The following MEF2A variants were observed in gnomAD, a reference collection of about 807,000 sequenced individuals.
MEF2A encodes myocyte-specific enhancer factor 2A.
MEF2A carries 28 observed loss-of-function variants against 55.8 expected under a neutral mutation model. The ratio of observed to expected loss-of-function variants is 0.50; its 90% CI spans 0.37 to 0.69. The LOEUF is 0.69. Ranked by LOEUF, MEF2A falls within the 30% of genes least tolerant of loss-of-function variation. MEF2A has a pLI of 0.00. For synonymous variants in MEF2A, 239 were observed against 227.1 expected (o/e 1.05, Z -0.47); for missense variants, 528 against 626.2 (o/e 0.84, Z 1.67).
chr15:99,570,104 AATC>A (rs1961509883), intron 1 of MEF2A, among the ~76,000 whole-genome samples: 1 of 152,088 alleles, frequency 6.6e-6, no homozygotes, highest in South Asian at 2.1e-4. Context: ...GTCGAGATGA[AATC>A]ATAAGCATAT....
rs551927048 is a variant in MEF2A at position 99,642,312 on chromosome 15, A to G, written c.55-3249A>G. Among the ~76,000 whole-genome samples, 5 of 152,284 alleles carry G rather than the reference A, an allele frequency of 3.3e-5. No individual in the cohort carries two copies. The South Asian group carries it at 1.0e-3, about 32-fold the overall frequency. ...TGACATTCAGTAACTTAATCTGAATATGCCATGAATTTGATTATTCCTTAT... is the reference window on the plus strand; with the variant it reads ...TGACATTCAGTAACTTAATCTGAATGTGCCATGAATTTGATTATTCCTTAT... On this transcript the variant is annotated intron_variant, in intron 3 of 11. Transcript: ENST00000557942.
At chr15:99,575,515 C>T (rs757146872) in intron 1 of MEF2A, among the ~76,000 whole-genome samples, 3 of 152,142 alleles carry the variant, frequency 2.0e-5, no homozygotes, top group Non-Finnish European at 4.4e-5. Flanking sequence ...TGAGGCAGTA[C>T]GGTGTCATTT....
chr15:99,684,082 T>G (rs188282034), intron 7 of MEF2A, among the ~76,000 whole-genome samples: 191 of 152,304 alleles, frequency 1.3e-3, no homozygotes, highest in Non-Finnish European at 1.4e-3. Flanking sequence ...TGTACATATA[T>G]GTATATATAT....
Position 99,710,727 on chromosome 15 carries a change from A to G in MEF2A, c.1103A>G (p.His368Arg), listed in dbSNP as rs2058549972. The change falls in exon 11 of 12, where the codon CAC (histidine) becomes CGC (arginine). Residue 368 changes from histidine (H) to arginine (R), a missense_variant. By Grantham distance (29) the His-to-Arg change is conservative. Coordinates refer to ENST00000557942, the MANE Select transcript of MEF2A (RefSeq NM_001319206.4). Reference protein sequence around the residue: ...SLGQVSAWQQHHLGQAALSSL... With the variant: ...SLGQVSAWQQRHLGQAALSSL... ...GGACAGGTGTCGGCCTGGCAGCAGC[A>G]CCACCTAGGACAAGCAGCCCTCAGC... 1 of 1,611,988 alleles carries G rather than the reference A, an allele frequency of 6.2e-7. No homozygotes were observed. Among genetic ancestry groups the G allele is most frequent in the African/African-American group, 1.3e-5 (1 of 74,904 alleles).
intron 2 of MEF2A, among the ~76,000 whole-genome samples, chr15:99,608,349 G>A (rs1975878505): frequency 6.6e-6 from 1 of 152,144 alleles, no homozygotes; most frequent in Non-Finnish European, 1.5e-5. Flanking sequence ...GTAACAGGCT[G>A]TAAACAGTTT....
At chr15:99,698,617 A>AC (rs1361114098) in intron 8 of MEF2A, among the ~76,000 whole-genome samples, 2 of 151,968 alleles carry the variant, frequency 1.3e-5, no homozygotes, top group Non-Finnish European at 2.9e-5. Context: ...ACATGGAGAA[A>AC]CCCCATCTCT....
chr15:99,661,588 G>A (rs1338881303), intron 4 of MEF2A, among the ~76,000 whole-genome samples: 1 of 152,002 alleles, frequency 6.6e-6, no homozygotes, highest in Non-Finnish European at 1.5e-5. Flanking sequence ...TACTTGAATA[G>A]GTGCCTCACA....
chr15:99,712,600 G>A lies in MEF2A; in HGVS notation c.1347G>A (p.Gly449=). The part of the protein sequence containing the change: ...PPQPQPRQEM[G]RSPVDSLSSS... ...AGCCCCAGCCCCGACAGGAAATGGG[G>A]CGCTCCCCTGTGGACAGTCTGAGCA... Residue 449 remains glycine, a synonymous_variant, in exon 12 of 12, where the codon GGG becomes GGA. Transcript: ENST00000557942. This position sits in a 1 kb window ranked among gnomAD's most constrained non-coding sequence, Gnocchi z 4.1. The A allele has an allele frequency of 6.4e-7, 1 of 1,550,936 alleles. No individual in the cohort carries two copies. The highest frequency in any genetic ancestry group is 8.7e-7 in the Non-Finnish European group (1 of 1,146,806).
chr15:99,617,275 T>TG (rs36125809), intron 2 of MEF2A, among the ~76,000 whole-genome samples: 97,570 of 147,332 alleles, frequency 0.66, 36,384 homozygotes, highest in Middle Eastern at 0.86. Flanking sequence ...TTTTTTTTTT[T>TG]GTATGGTCTG....
rs1187967522 is a variant in MEF2A, at chr15:99,712,082, T to G, written c.1137-308T>G. On this transcript the variant is annotated intron_variant, in intron 11 of 11. Transcript: ENST00000557942. This position sits in a 1 kb window ranked among gnomAD's most constrained non-coding sequence, Gnocchi z 4.1. ...CAGATGAGGCTGCTGTTCCTCTGTC[T>G]TTCTGGTCCCTGCACAGCATTAAGA... 2.0e-5 allele frequency among the ~76,000 whole-genome samples: 3 copies of G among 152,384 alleles called. No homozygotes were observed. Among genetic ancestry groups the G allele is most frequent in the African/African-American group, 7.2e-5 (3 of 41,600 alleles).
intron 2 of MEF2A, among the ~76,000 whole-genome samples, chr15:99,607,180 C>T (rs1010479099): frequency 1.3e-5 from 2 of 152,118 alleles, no homozygotes; most frequent in African/African-American, 4.8e-5. Context: ...ACAGCAACAA[C>T]AACCACAAAA....
At chr15:99,662,727 C>G (rs1163508154) in intron 4 of MEF2A, among the ~76,000 whole-genome samples, 1 of 152,238 alleles carries the variant, frequency 6.6e-6, no homozygotes, top group Non-Finnish European at 1.5e-5. Flanking sequence ...ATCTGCCTGT[C>G]TCTGCCTCCC....
chr15:99,682,471 A>G (rs2053418346), intron 7 of MEF2A, among the ~76,000 whole-genome samples: 1 of 152,240 alleles, frequency 6.6e-6, no homozygotes, highest in Non-Finnish European at 1.5e-5. Flanking sequence ...TACTGAAAGT[A>G]TTTACCTCAA....
intron 2 of MEF2A, among the ~76,000 whole-genome samples, chr15:99,600,311 T>C (rs1376277452): frequency 6.6e-6 from 1 of 152,186 alleles, no homozygotes; most frequent in Non-Finnish European, 1.5e-5. Flanking sequence ...ACGGGCCTTC[T>C]ATGGTTCTAT....
In MEF2A at chr15:99,600,213, T is replaced by G. The variant is rs181078908; in HGVS notation, c.-143+1702T>G. 3.8e-3 allele frequency among the ~76,000 whole-genome samples: 571 copies of G among 152,264 alleles called. 5 individuals are homozygous for G. Among genetic ancestry groups the G allele is most frequent in the Non-Finnish European group, 6.4e-3 (436 of 67,990 alleles). On this transcript the variant is annotated intron_variant, in intron 2 of 11. Transcript: ENST00000557942. ...TGTGGGTATAACTTCAGATGTTATA[T>G]TTTGAGTCATGTTTAGATTTTAGGG...
At chr15:99,672,412 C>T (rs1355110462) in intron 5 of MEF2A, among the ~76,000 whole-genome samples, 1 of 152,200 alleles carries the variant, frequency 6.6e-6, no homozygotes, top group Non-Finnish European at 1.5e-5. Context: ...TGCTCCTAGA[C>T]TTGATAGTTT....
In MEF2A at chr15:99,691,452, C is replaced by G. The variant is rs371732674; in HGVS notation, c.858+1024C>G. On this transcript the variant is annotated intron_variant, in intron 8 of 11. Transcript: ENST00000557942. ...GTGGCTCACACCTGTAATCCCAGCA[C>G]TTTGGGATGCCAGGGCGGGCGGATC... Among the ~76,000 whole-genome samples, 126 of 152,272 alleles carry G rather than the reference C, an allele frequency of 8.3e-4. No individual in the cohort carries two copies. The South Asian group carries it at 9.5e-3, about 12-fold the overall frequency.
chr15:99,574,843 T>A (rs1963746001), intron 1 of MEF2A, among the ~76,000 whole-genome samples: 1 of 152,206 alleles, frequency 6.6e-6, no homozygotes, highest in Admixed American at 6.5e-5. Flanking sequence ...TGCAAGTTTA[T>A]TTAGTTAAAG....
At chr15:99,672,507 T>G (rs1383290940) in intron 5 of MEF2A, among the ~76,000 whole-genome samples, 1 of 152,234 alleles carries the variant, frequency 6.6e-6, no homozygotes, top group African/African-American at 2.4e-5. Context: ...TCTGTATATG[T>G]AGGTCAGCCG....
Sources: allele counts gnomAD v4.1 joint callset (sites outside exome capture counted in the v4.1 genomes callset), GRCh38; gene constraint gnomAD v4.1.1; non-coding constraint Gnocchi (gnomAD v3.1); transcripts MANE v1.5; gene names NCBI Gene and HGNC (gene_info 2026-07-23, HGNC 2026-07-21).